The following TSNAXIP1 variants were observed in gnomAD, a reference collection of about 807,000 sequenced individuals.
The protein encoded by TSNAXIP1 is translin-associated factor X-interacting protein 1.
A neutral mutation model predicts 84.8 loss-of-function variants in TSNAXIP1; 89 were observed. That is an observed-to-expected ratio of 1.05 (90% CI 0.88 to 1.25). TSNAXIP1 has a LOEUF of 1.25. TSNAXIP1 is among the 50% of genes most tolerant of loss of function. The pLI, the probability that TSNAXIP1 is intolerant of heterozygous loss-of-function variation, is 0.00. For missense variants in TSNAXIP1, 874 were observed against 887.6 expected (o/e 0.98, Z 0.20); for synonymous variants, 347 against 335.2 (o/e 1.04, Z -0.39).
In TSNAXIP1 at chr16:67,825,121, G is replaced by C. The variant is rs1358091603; in HGVS notation, c.679-16G>C. On this transcript the variant is annotated splice_polypyrimidine_tract_variant and intron_variant, in intron 6 of 15. Transcript: ENST00000561639. ...TCCAGGGGCAGCCCCTGACCACACAGCCACCTTCTTGCCAGGTGACCAAAC... is the reference window on the plus strand; with the variant it reads ...TCCAGGGGCAGCCCCTGACCACACACCCACCTTCTTGCCAGGTGACCAAAC... The C allele has an allele frequency of 1.2e-6, 2 of 1,612,678 alleles. No individual in the cohort carries two copies. Among genetic ancestry groups the C allele is most frequent in the East Asian group, 4.5e-5 (2 of 44,886 alleles).
In TSNAXIP1 at chr16:67,825,231, T is replaced by G. The variant is rs147956019; in HGVS notation, c.773T>G (p.Leu258Arg). Residue 258 changes from leucine to arginine, a missense_variant, in exon 7 of 16, where the codon CTG becomes CGG. Leu to Arg is a moderately radical substitution (Grantham distance 102). Transcript: ENST00000561639. Reference protein sequence around the residue: ...CKILIADLNELRYQREDMSLA... With the variant: ...CKILIADLNERRYQREDMSLA... ...ATCCTCATCGCAGACCTGAATGAGC[T>G]GCGGTACCAGCGGGAGGACATGTCA... 7.4e-6 allele frequency: 12 copies of G among 1,614,054 alleles called. No individual in the cohort carries two copies. The Admixed American group carries it at 8.3e-5, about 11-fold the overall frequency.
intron 2 of TSNAXIP1, among the ~76,000 whole-genome samples, chr16:67,819,685 T>C (rs2056875622): frequency 6.6e-6 from 1 of 150,920 alleles, no homozygotes; most frequent in Admixed American, 6.6e-5. Flanking sequence ...TTTGTTCTTG[T>C]TGTCCAGGCT....
chr16:67,826,748 T>C lies in TSNAXIP1; in HGVS notation c.1458T>C (p.Ser486=), dbSNP rs774070646. The change falls in exon 12 of 16, where the codon AGT becomes AGC. Residue 486 remains serine, a synonymous_variant. Coordinates refer to ENST00000561639, the MANE Select transcript of TSNAXIP1 (RefSeq NM_001288990.3). ...FNFLEHRFGP[S]DAMAWAYTIF... ...TCCTGGAGCATCGCTTTGGGCCCAG[T>C]GATGCCATGGCCTGGGCTTATACTA... 6.8e-6 allele frequency: 11 copies of C among 1,614,034 alleles called. No homozygotes were observed. In the African/African-American group the frequency reaches 1.5e-4, roughly 22 times the overall value.
intron 5 of TSNAXIP1, among the ~76,000 whole-genome samples, 197 bp from the exon 6 acceptor site, chr16:67,824,386 G>C (rs547217895): frequency 5.9e-5 from 9 of 152,272 alleles, no homozygotes; most frequent in Admixed American, 5.2e-4. Flanking sequence ...GAGAGACCCC[G>C]GTCTTCATCT....
chr16:67,816,883 C>T (rs563103424), intron 2 of TSNAXIP1, among the ~76,000 whole-genome samples: 5 of 151,996 alleles, frequency 3.3e-5, no homozygotes, highest in Admixed American at 3.3e-4. Context: ...CTCGCCTCTG[C>T]AAGCAAAGGA....
chr16:67,822,871 C>T (rs1027165641), intron 4 of TSNAXIP1, among the ~76,000 whole-genome samples: 1 of 152,166 alleles, frequency 6.6e-6, no homozygotes, highest in Non-Finnish European at 1.5e-5. Flanking sequence ...ATGCTGCCTC[C>T]AGAAACCTCC....
At chr16:67,825,047 C>T (rs1019627481) in intron 6 of TSNAXIP1, 90 bp from the exon 7 acceptor site, 41 of 1,521,466 alleles carry the variant, frequency 2.7e-5, no homozygotes, top group Middle Eastern at 2.4e-4. Context: ...CCTGATGGGG[C>T]CCCCCAGAAC....
intron 2 of TSNAXIP1, among the ~76,000 whole-genome samples, chr16:67,819,286 G>A (rs1227019787): frequency 5.1e-5 from 7 of 137,408 alleles, no homozygotes; most frequent in African/African-American, 1.7e-4. Context: ...TCTTGTCCCC[G>A]TGGCTGGAGT....
At position 67,822,210 on chromosome 16, in the gene TSNAXIP1, C is replaced by T. The variant is rs543610633; in HGVS notation, c.387+985C>T. On this transcript the variant is annotated intron_variant, in intron 4 of 15. Coordinates refer to ENST00000561639, the MANE Select transcript of TSNAXIP1 (RefSeq NM_001288990.3). ...AGGAGAATGGCATGAACCTGGGAGG[C>T]GGAGCTTGCAGTGAGCCAAGTTCAC... is the stretch of plus-strand genomic sequence containing the variant. Among the ~76,000 whole-genome samples the T allele has an allele frequency of 2.1e-4, 30 of 143,404 alleles. No homozygotes were observed. The East Asian group carries it at 6.2e-3, about 30-fold the overall frequency. The allele number at this position is 143,404 out of a possible 152,430, so 94.1% of individuals were successfully genotyped here.
rs144828971 is a variant in TSNAXIP1, at chr16:67,827,545, T to G, written c.1864T>G (p.Leu622Val). ...EQYMDEKDEY[L>V]QQLKQELGIE... The stretch of plus-strand genomic sequence containing the variant: ...ATACATGGATGAGAAGGACGAGTAC[T>G]TACAGCAGCTAAAGCAGGAGCTTGG... Residue 622 changes from leucine to valine, a missense_variant, in exon 15 of 16, where the codon TTA (leucine) becomes GTA (valine). Leu to Val is a conservative substitution (Grantham distance 32, BLOSUM62 1). Coordinates refer to ENST00000561639, the MANE Select transcript of TSNAXIP1 (RefSeq NM_001288990.3). 1.2e-6 allele frequency: 2 copies of G among 1,614,024 alleles called. No homozygotes were observed. The highest frequency in any genetic ancestry group is 1.7e-6 in the Non-Finnish European group (2 of 1,180,024).
chr16:67,807,226 T>A, intron 1 of TSNAXIP1, 30 bp downstream of exon 1: 1 of 1,535,614 alleles, frequency 6.5e-7, no homozygotes, highest in Non-Finnish European at 8.7e-7. Context: ...AGGGCAGAGA[T>A]GAGGGTTTGA....
Position 67,807,046 on chromosome 16 carries a change from C to A in TSNAXIP1, c.-104C>A. On this transcript the variant is annotated 5_prime_UTR_variant, in exon 1 of 16. Transcript: ENST00000561639. Reference sequence around the variant, plus strand: ...GGCGTGGCGCATCCCTGACTCCGCCCCCGCCGCGGGGGGGCCTCTGGGGCC... The same window carrying A: ...GGCGTGGCGCATCCCTGACTCCGCCACCGCCGCGGGGGGGCCTCTGGGGCC... The A allele has an allele frequency of 6.7e-7, 1 of 1,482,266 alleles. No individual in the cohort carries two copies. Among genetic ancestry groups the A allele is most frequent in the South Asian group, 1.3e-5 (1 of 79,164 alleles). 91.8% of individuals were successfully genotyped at this position (1,482,266 alleles called of 1,614,324 possible).
At chr16:67,826,657 TA>T (rs755814947) in intron 11 of TSNAXIP1, 34 bp from the exon 12 acceptor site, 2 of 1,610,496 alleles carry the variant, frequency 1.2e-6, no homozygotes, top group Non-Finnish European at 1.7e-6. Context: ...CAACCAACCG[TA>T]AGACTCTGAC....
chr16:67,824,095 C>T (rs918699424), intron 5 of TSNAXIP1, among the ~76,000 whole-genome samples: 4 of 151,892 alleles, frequency 2.6e-5, no homozygotes, highest in African/African-American at 9.7e-5. Flanking sequence ...CCTATTCGAC[C>T]TTCTGGTGCT....
Position 67,820,863 on chromosome 16 carries a change from C to T in TSNAXIP1, c.172C>T (p.His58Tyr). The T allele has an allele frequency of 6.3e-7, 1 of 1,575,514 alleles. No homozygotes were observed. Among genetic ancestry groups the T allele is most frequent in the Non-Finnish European group, 8.6e-7 (1 of 1,162,104 alleles). Residue 58 changes from histidine to tyrosine, a missense_variant, in exon 3 of 16, where the codon CAC becomes TAC. Transcript: ENST00000561639. Reference protein sequence around the residue: ...TLTGQFSMGGHLSPWPTYTSG... With the variant: ...TLTGQFSMGGYLSPWPTYTSG... ...GACTGGTCAGTTCTCCATGGGTGGG[C>T]ACCTGTCCCCATGGCCCACATACAC...
intron 1 of TSNAXIP1, among the ~76,000 whole-genome samples, chr16:67,811,511 G>A (rs964189633): frequency 3.7e-5 from 5 of 136,966 alleles, no homozygotes; most frequent in East Asian, 2.1e-4. Flanking sequence ...GCTCCATCTC[G>A]GCTCACTGCA....
In TSNAXIP1 at chr16:67,827,770, T is replaced by C; in HGVS notation, c.1916T>C (p.Leu639Pro). ...TGGGGCAGCCATGAGGAAGTGACTC[T>C]GCCCAAGCTGCGAGGGGGCCTGATG... Reference protein sequence around the residue: ...LGIELHEEVTLPKLRGGLMTI... With the variant: ...LGIELHEEVTPPKLRGGLMTI... Residue 639 changes from leucine to proline, a missense_variant, in exon 16 of 16, where the codon CTG (leucine) becomes CCG (proline). Coordinates refer to ENST00000561639, the MANE Select transcript of TSNAXIP1 (RefSeq NM_001288990.3). 1 of 1,614,026 alleles carries C rather than the reference T, an allele frequency of 6.2e-7. No individual in the cohort carries two copies.
At position 67,826,410 on chromosome 16, in the gene TSNAXIP1, G is replaced by C. The variant is rs199912731; in HGVS notation, c.1276-27G>C. 2.2e-3 allele frequency: 3,626 copies of C among 1,612,870 alleles called. 11 individuals carry two copies. Among genetic ancestry groups the C allele is most frequent in the Non-Finnish European group, 2.7e-3 (3,137 of 1,179,980 alleles). ...GGGGGTGGGGCCACAGATGGGTCCAGAGATGAGCTGATATCCTCCCTCCTA... is the reference window on the plus strand; with the variant it reads ...GGGGGTGGGGCCACAGATGGGTCCACAGATGAGCTGATATCCTCCCTCCTA... On this transcript the variant is annotated intron_variant, in intron 10 of 15. Coordinates refer to ENST00000561639, the MANE Select transcript of TSNAXIP1 (RefSeq NM_001288990.3).
chr16:67,825,982 C>G lies in TSNAXIP1; in HGVS notation c.1050C>G (p.His350Gln). The G allele has an allele frequency of 6.2e-7, 1 of 1,614,112 alleles. No individual in the cohort carries two copies. The highest frequency in any genetic ancestry group is 8.5e-7 in the Non-Finnish European group (1 of 1,180,042). ...AGCATGAGATCCTCATGCAGCTGCA[C>G]ATGAGCACGCTGAAGGAACGGGACC... ...RKEHEILMQLHMSTLKERDQF... is the reference protein window; with the variant it reads ...RKEHEILMQLQMSTLKERDQF... The change falls in exon 9 of 16, where the codon CAC becomes CAG. Residue 350 changes from histidine to glutamine, a missense_variant. His to Gln is a conservative substitution (Grantham distance 24). Coordinates refer to ENST00000561639, the MANE Select transcript of TSNAXIP1 (RefSeq NM_001288990.3).
Sources: allele counts gnomAD v4.1 joint callset (sites outside exome capture counted in the v4.1 genomes callset), GRCh38; gene constraint gnomAD v4.1.1; transcripts MANE v1.5; gene names NCBI Gene and HGNC (gene_info 2026-07-23, HGNC 2026-07-21).